SPAG16: variants seen among roughly 807,000 people sequenced by gnomAD.
SPAG16 encodes the protein sperm-associated antigen 16 protein.
A neutral mutation model predicts 80.4 loss-of-function variants in SPAG16; 86 were observed. That is an observed-to-expected ratio of 1.07 (90% CI 0.90 to 1.28). The LOEUF (loss-of-function observed/expected upper bound fraction) is 1.28, where lower values mean the gene tolerates loss of function less well. Ranked by LOEUF, SPAG16 falls within the 50% of genes most tolerant of loss-of-function variation. The probability of loss-of-function intolerance (pLI) is 0.00; values close to 1 mark genes in which losing one functional copy is unlikely to be tolerated. For missense variants in SPAG16, 870 were observed against 765.3 expected, an observed-to-expected ratio of 1.14 and a Z score of -1.61; for synonymous variants, 294 against 265.9, an observed-to-expected ratio of 1.11 and a Z score of -1.03.
chr2:214,212,656 C>A (rs13007666), intron 15 of SPAG16, among the ~76,000 whole-genome samples: 37,173 of 152,114 alleles, frequency 0.24, 4,769 homozygotes, highest in African/African-American at 0.32. Flanking sequence ...AAGCAAGGAA[C>A]AAGAACTGGA....
Position 214,013,046 on chromosome 2 carries a change from TG to T in SPAG16, c.1401-902del, listed in dbSNP as rs542304773. 2.1e-3 allele frequency among the ~76,000 whole-genome samples: 320 copies of T among 152,240 alleles called. 2 individuals are homozygous for T. Among genetic ancestry groups the T allele is most frequent in the African/African-American group, 7.5e-3 (312 of 41,534 alleles). On this transcript the variant is annotated intron_variant, in intron 12 of 15. Coordinates refer to ENST00000331683, the MANE Select transcript of SPAG16 (RefSeq NM_024532.5). ...CTGGGTAAAAAATTTTAAAAACCAC[TG>T]GGTTTAAATTCTCAGCCCTAAAGGC...
rs913035908 is a variant in SPAG16 at position 214,151,564 on chromosome 2, C to T, written c.1720+2298C>T. Among the ~76,000 whole-genome samples the T allele has an allele frequency of 8.7e-4, 132 of 152,006 alleles. 2 individuals carry two copies. Among genetic ancestry groups the T allele is most frequent in the Non-Finnish European group, 2.9e-4 (20 of 67,894 alleles). On this transcript the variant is annotated intron_variant, in intron 15 of 15. Transcript: ENST00000331683. ...ATATACCTTTATTTATTCCCAGTGG[C>T]AAGCCAATACAAGCCTATATGATGT...
intron 12 of SPAG16, among the ~76,000 whole-genome samples, chr2:213,939,192 A>C (rs10932516): frequency 0.55 from 83,044 of 152,048 alleles, 24,379 homozygotes; most frequent in South Asian, 0.77. Context: ...AAAAATCACT[A>C]CTACTTAGAA....
intron 15 of SPAG16, chr2:214,311,687 A>T (rs1219465311): frequency 6.6e-6 from 1 of 152,176 alleles, no homozygotes; most frequent in African/African-American, 2.4e-5. Flanking sequence ...CCTCAGTTCC[A>T]CTTGGGTCAT....
chr2:214,293,425 GA>G (rs1429964164), intron 15 of SPAG16, among the ~76,000 whole-genome samples: 2 of 152,324 alleles, frequency 1.3e-5, no homozygotes, highest in African/African-American at 4.8e-5. Flanking sequence ...AAGTGCCAGT[GA>G]TGGTGAGCTG....
rs1694352390 is a variant in SPAG16, at chr2:214,298,992, T to C, written c.1721-111148T>C. Among the ~76,000 whole-genome samples the C allele has an allele frequency of 2.0e-5, 3 of 152,096 alleles. No individual in the cohort carries two copies. In the South Asian group the frequency reaches 6.2e-4, roughly 31 times the overall value. ...TTTAGTGTAACATTTAATTGAACAG[T>C]GAACTATGAGGTAAATTATAAGCCC... On this transcript the variant is annotated intron_variant, in intron 15 of 15. Coordinates refer to ENST00000331683, the MANE Select transcript of SPAG16 (RefSeq NM_024532.5).
intron 10 of SPAG16, among the ~76,000 whole-genome samples, chr2:213,565,988 G>C (rs1311619472): frequency 2.0e-5 from 3 of 152,208 alleles, no homozygotes; most frequent in Non-Finnish European, 4.4e-5. Flanking sequence ...AAAAGCAGGA[G>C]AGGATTCATT....
intron 10 of SPAG16, among the ~76,000 whole-genome samples, chr2:213,672,904 G>A (rs1232509245): frequency 6.8e-6 from 1 of 147,396 alleles, no homozygotes; most frequent in Non-Finnish European, 1.5e-5. Context: ...TGTTGCTTAG[G>A]CTGGAGTGCA....
At chr2:214,366,881 C>T (rs909212687) in intron 15 of SPAG16, among the ~76,000 whole-genome samples, 2 of 152,082 alleles carry the variant, frequency 1.3e-5, no homozygotes, top group African/African-American at 4.8e-5. Context: ...ATGAATGCTG[C>T]CCCCAAGTAA....
chr2:214,368,741 C>T (rs2372303), intron 15 of SPAG16, among the ~76,000 whole-genome samples: 147,888 of 152,180 alleles, frequency 0.97, 72,025 homozygotes, highest in Middle Eastern at 1. Flanking sequence ...TTTGATTCCT[C>T]GTACTCCAAT....
In SPAG16 at chr2:213,871,551, T is replaced by C. The variant is rs576127254; in HGVS notation, c.1214+8923T>C. Among the ~76,000 whole-genome samples the C allele has an allele frequency of 2.6e-4, 39 of 152,070 alleles. No individual in the cohort carries two copies. The South Asian group carries it at 7.7e-3, about 30-fold the overall frequency. On this transcript the variant is annotated intron_variant, in intron 11 of 15. Coordinates refer to ENST00000331683, the MANE Select transcript of SPAG16 (RefSeq NM_024532.5). ...ACATGCAAGCGGAGGGCTGTGCACA[T>C]GCATAGGAAAGACTTGAGAAGGGTC...
intron 14 of SPAG16, among the ~76,000 whole-genome samples, chr2:214,126,828 C>T (rs931886834): frequency 9.9e-5 from 15 of 151,726 alleles, no homozygotes; most frequent in Non-Finnish European, 2.9e-5. Flanking sequence ...TTGCTCTCAT[C>T]TTTGCTAGAT....
intron 15 of SPAG16, among the ~76,000 whole-genome samples, chr2:214,225,173 T>C (rs931845950): frequency 2.0e-5 from 3 of 152,148 alleles, no homozygotes; most frequent in Non-Finnish European, 2.9e-5. Context: ...AAGTCAATGA[T>C]AGGATGACCA....
rs1462640184 is a variant in SPAG16 at position 213,969,506 on chromosome 2, C to G, written c.1400+39361C>G. On this transcript the variant is annotated intron_variant, in intron 12 of 15. Coordinates refer to ENST00000331683, the MANE Select transcript of SPAG16 (RefSeq NM_024532.5). ...GCTCCTCTCGCAGTGGGATTTAGGC[C>G]TTTATAAACGAAGCTTCACATAGCA... Among the ~76,000 whole-genome samples the G allele has an allele frequency of 2.0e-5, 3 of 152,148 alleles. No individual in the cohort carries two copies. The East Asian group carries it at 5.8e-4, about 29-fold the overall frequency.
chr2:213,902,825 C>A (rs912673675), intron 11 of SPAG16, among the ~76,000 whole-genome samples: 1 of 152,176 alleles, frequency 6.6e-6, no homozygotes, highest in Non-Finnish European at 1.5e-5. Flanking sequence ...AAATCAAAAG[C>A]AAGCTACTTC....
chr2:213,823,638 G>A (rs1397473160), intron 10 of SPAG16, among the ~76,000 whole-genome samples: 1 of 152,136 alleles, frequency 6.6e-6, no homozygotes, highest in Admixed American at 6.6e-5. Context: ...CAGATTACAG[G>A]TGTGAGTCAC....
Position 213,468,599 on chromosome 2 carries a change from ATATC to A in SPAG16, c.943-21360_943-21357del, listed in dbSNP as rs1015097676. 1.2e-4 allele frequency among the ~76,000 whole-genome samples: 17 copies of A among 145,610 alleles called. No homozygotes were observed. The East Asian group carries it at 2.2e-3, about 18-fold the overall frequency. ...TATGTATTTATATATAGAGATATAT[ATATC>A]TATGTATTTATATATAGAGATATAT... is the stretch of plus-strand genomic sequence containing the variant. On this transcript the variant is annotated intron_variant, in intron 9 of 15. Coordinates refer to ENST00000331683, the MANE Select transcript of SPAG16 (RefSeq NM_024532.5).
chr2:214,304,640 A>G (rs1474393710), intron 15 of SPAG16, among the ~76,000 whole-genome samples: 7 of 151,972 alleles, frequency 4.6e-5, no homozygotes, highest in Non-Finnish European at 8.8e-5. Context: ...TCACACCTCT[A>G]TATTTCTGTG....
intron 12 of SPAG16, among the ~76,000 whole-genome samples, chr2:213,971,883 T>A (rs1052726587): frequency 1.3e-5 from 2 of 152,002 alleles, no homozygotes; most frequent in African/African-American, 4.8e-5. Flanking sequence ...TTTTTGGTTT[T>A]TTTTTTTAGT....
Sources: gnomAD v4.1 joint callset for allele counts (sites outside exome capture counted in the v4.1 genomes callset) on GRCh38, gnomAD v4.1.1 for gene constraint, MANE v1.5 for transcripts, NCBI Gene and HGNC (gene_info 2026-07-23, HGNC 2026-07-21) for gene names.